Variants in PRR5 observed in about 807,000 individuals in gnomAD.
PRR5 encodes the protein proline-rich protein 5.
Under a neutral mutation model 30.6 loss-of-function variants are expected in PRR5, and 25 were observed. The ratio of observed to expected loss-of-function variants is 0.82; its 90% CI spans 0.60 to 1.14. PRR5 has a LOEUF of 1.14. Among genes scored for constraint, PRR5 ranks in the 50% most tolerant of loss-of-function variants. The probability of loss-of-function intolerance (pLI) is 0.00; values close to 1 mark genes in which losing one functional copy is unlikely to be tolerated. For missense variants in PRR5, 600 were observed against 547.1 expected (o/e 1.10, Z -0.96); for synonymous variants, 286 against 247.1 (o/e 1.16, Z -1.48).
chr22:44,726,771 T>C, intron 4 of PRR5, 137 bp downstream of exon 4: 1 of 1,339,454 alleles, frequency 7.5e-7, no homozygotes, highest in Non-Finnish European at 1.0e-6. Flanking sequence ...GGAACACGTA[T>C]AGCCTTAGGG....
At chr22:44,702,147 G>C (rs1190921872), upstream of PRR5, 21 of 210,732 alleles carry the variant, frequency 1.0e-4, no homozygotes, top group Non-Finnish European at 1.7e-4. Flanking sequence ...CCCCTTCCCC[G>C]CCCCGCCCCC....
chr22:44,692,271 C>A (rs530020560), intron 1 of PRR5, among the ~76,000 whole-genome samples: 1 of 141,466 alleles, frequency 7.1e-6, no homozygotes. Context: ...CGGGGCTCCT[C>A]CTCCCACGCT....
intron 1 of PRR5, among the ~76,000 whole-genome samples, chr22:44,686,206 G>A (rs34234064): frequency 1.3e-5 from 2 of 151,556 alleles, no homozygotes; most frequent in African/African-American, 2.4e-5. Flanking sequence ...AGCTGAGATC[G>A]CACCACTGCA....
intron 2 of PRR5, among the ~76,000 whole-genome samples, chr22:44,719,002 G>A (rs1929526375): frequency 6.6e-6 from 1 of 151,724 alleles, no homozygotes; most frequent in Non-Finnish European, 1.5e-5. Context: ...TTTGTATAAT[G>A]TCCAGTTGTC....
upstream of PRR5, among the ~76,000 whole-genome samples, chr22:44,697,291 T>G (rs1925843851): frequency 6.6e-6 from 1 of 152,202 alleles, no homozygotes; most frequent in Admixed American, 6.5e-5. Context: ...AACCTCCTTC[T>G]GCCGTGCGAC....
chr22:44,675,173 C>A (rs1280705579), upstream of PRR5, among the ~76,000 whole-genome samples: 5 of 151,312 alleles, frequency 3.3e-5, no homozygotes, highest in African/African-American at 1.2e-4. Context: ...TGGCGTGAAC[C>A]CGGGAGGCAG....
chr22:44,737,111 G>T lies in PRR5; in HGVS notation c.1031G>T (p.Ser344Ile), dbSNP rs1164246450. The T allele has an allele frequency of 2.5e-6, 4 of 1,612,278 alleles. No homozygotes were observed. In the African/African-American group the frequency reaches 5.3e-5, roughly 22 times the overall value. The change falls in exon 8 of 8, where the codon AGC becomes ATC. Residue 344 changes from serine to isoleucine, a missense_variant. By Grantham distance (142) the Ser-to-Ile change is moderately radical. Transcript: ENST00000336985. ...DPTRSSLPRS[S>I]PENLVDQILE... The stretch of plus-strand genomic sequence containing the variant: ...ACCCGCAGCTCCCTGCCCCGCTCCA[G>T]CCCGGAGAACCTGGTGGACCAGATC...
intron 1 of PRR5, among the ~76,000 whole-genome samples, chr22:44,694,537 C>T (rs1392386692): frequency 6.6e-6 from 1 of 152,134 alleles, no homozygotes; most frequent in East Asian, 1.9e-4. Context: ...CATCCATGCA[C>T]GGACACTCTG....
chr22:44,711,929 T>C (rs1367506784), intron 1 of PRR5, among the ~76,000 whole-genome samples: 2 of 152,106 alleles, frequency 1.3e-5, no homozygotes, highest in African/African-American at 2.4e-5. Flanking sequence ...GTGGTTGCCG[T>C]TGGGGGACAG....
intron 1 of PRR5, among the ~76,000 whole-genome samples, chr22:44,711,201 A>G (rs1383612729): frequency 6.6e-6 from 1 of 152,158 alleles, no homozygotes; most frequent in Non-Finnish European, 1.5e-5. Flanking sequence ...GTGCGGCCAG[A>G]GTGTGAGGCC....
At chr22:44,730,404 C>T in intron 4 of PRR5, 14 of 985,356 alleles carry the variant, frequency 1.4e-5, no homozygotes, top group Non-Finnish European at 1.7e-5. Flanking sequence ...CTGGACCCAG[C>T]AGCCCTCATC....
At chr22:44,735,229 T>G in intron 7 of PRR5, 67 bp downstream of exon 7, 1 of 1,506,264 alleles carries the variant, frequency 6.6e-7, no homozygotes. Flanking sequence ...TGTGAACAAA[T>G]GGGCAAGCCG....
intron 1 of PRR5, among the ~76,000 whole-genome samples, chr22:44,680,455 G>A (rs1185914186): frequency 6.6e-6 from 1 of 152,202 alleles, no homozygotes; most frequent in Admixed American, 6.5e-5. Flanking sequence ...TAACAGGAGG[G>A]CTGGTCCCTG....
At chr22:44,716,176 C>T (rs1186512819) in intron 2 of PRR5, among the ~76,000 whole-genome samples, 1 of 152,176 alleles carries the variant, frequency 6.6e-6, no homozygotes, top group East Asian at 1.9e-4. Flanking sequence ...GCCCTGGGCC[C>T]CAGGCTTCCC....
intron 2 of PRR5, among the ~76,000 whole-genome samples, chr22:44,720,116 G>C (rs1482439581): frequency 6.6e-6 from 1 of 152,194 alleles, no homozygotes; most frequent in East Asian, 1.9e-4. Context: ...CATGCCTGGG[G>C]CTGGCTTGGG....
intron 1 of PRR5, among the ~76,000 whole-genome samples, chr22:44,707,922 G>A (rs1377384028): frequency 2.0e-5 from 3 of 152,158 alleles, no homozygotes; most frequent in Non-Finnish European, 4.4e-5. Context: ...GCCCAGGCAG[G>A]CAGTTGTAGT....
At chr22:44,680,267 C>T (rs971028740) in intron 1 of PRR5, among the ~76,000 whole-genome samples, 4 of 152,152 alleles carry the variant, frequency 2.6e-5, no homozygotes, top group African/African-American at 9.7e-5. Flanking sequence ...TCAGATACTT[C>T]ATCTTTGAAA....
Position 44,702,310 on chromosome 22 carries a change from C to G in PRR5, c.-165C>G. 1 of 1,147,992 alleles carries G rather than the reference C, an allele frequency of 8.7e-7. No homozygotes were observed. Among genetic ancestry groups the G allele is most frequent in the Non-Finnish European group, 1.1e-6 (1 of 928,100 alleles). The allele number at this position is 1,147,992 out of a possible 1,614,324, so 71.1% of individuals were successfully genotyped here. Reference sequence around the variant, plus strand: ...GGGGCGGCCGGCGCGGGACCCGAGACGGAGGCGCGGGGCCGGGGCGGGACC... The same window carrying G: ...GGGGCGGCCGGCGCGGGACCCGAGAGGGAGGCGCGGGGCCGGGGCGGGACC... On this transcript the variant is annotated 5_prime_UTR_variant, in exon 1 of 8. Coordinates refer to ENST00000336985, the MANE Select transcript of PRR5 (RefSeq NM_181333.4).
At chr22:44,721,101 G>A (rs1929868902) in intron 2 of PRR5, among the ~76,000 whole-genome samples, 1 of 152,192 alleles carries the variant, frequency 6.6e-6, no homozygotes, top group South Asian at 2.1e-4. Flanking sequence ...TGACCCCCGG[G>A]ACCCTCTGTT....
Sources: gnomAD v4.1 joint callset for allele counts (sites outside exome capture counted in the v4.1 genomes callset) on GRCh38, gnomAD v4.1.1 for gene constraint, MANE v1.5 for transcripts, NCBI Gene and HGNC (gene_info 2026-07-23, HGNC 2026-07-21) for gene names.